SPOCK1: variants seen among roughly 807,000 people sequenced by gnomAD.
SPOCK1 encodes the protein SPARC (osteonectin), cwcv and kazal like domains proteoglycan 1.
In SPOCK1, 23 loss-of-function variants were observed where a neutral mutation model predicts 55.3. The observed-to-expected ratio is 0.42, with a 90% confidence interval of 0.30 to 0.59. The LOEUF (loss-of-function observed/expected upper bound fraction) is 0.59, where lower values mean the gene tolerates loss of function less well. SPOCK1 is among the 20% of genes least tolerant of loss of function. The pLI is 0.22. For synonymous variants in SPOCK1, 226 were observed against 221.0 expected (o/e 1.02, Z -0.20); for missense variants, 499 against 552.5 (o/e 0.90, Z 0.97).
chr5:137,136,143 G>A (rs1040371094), intron 4 of SPOCK1, among the ~76,000 whole-genome samples: 11 of 152,044 alleles, frequency 7.2e-5, no homozygotes, highest in Admixed American at 2.6e-4. Context: ...GGCTTTTTGT[G>A]TCCTACTTAA....
chr5:137,418,403 T>C (rs1752397745), intron 2 of SPOCK1, among the ~76,000 whole-genome samples: 1 of 152,182 alleles, frequency 6.6e-6, no homozygotes, highest in African/African-American at 2.4e-5. Flanking sequence ...ATGGTTGAAC[T>C]AGTTTACAGT....
chr5:137,057,751 C>T (rs971455944), intron 6 of SPOCK1, among the ~76,000 whole-genome samples: 2 of 152,284 alleles, frequency 1.3e-5, no homozygotes, highest in East Asian at 3.9e-4. Flanking sequence ...GGGGTGGAAG[C>T]CACTTACTTT....
chr5:137,330,714 CCT>C (rs1456240833), intron 2 of SPOCK1, among the ~76,000 whole-genome samples: 1 of 152,220 alleles, frequency 6.6e-6, no homozygotes, highest in African/African-American at 2.4e-5. Flanking sequence ...CTCCACCAAA[CCT>C]CTCTCAGTTT....
intron 3 of SPOCK1, among the ~76,000 whole-genome samples, chr5:137,244,459 A>G (rs926135208): frequency 2.6e-5 from 4 of 152,244 alleles, no homozygotes; most frequent in Non-Finnish European, 4.4e-5. Flanking sequence ...GAGGCAACTA[A>G]AAAGAAACTG....
intron 2 of SPOCK1, among the ~76,000 whole-genome samples, chr5:137,398,858 C>A (rs1360612122): frequency 6.6e-6 from 1 of 152,154 alleles, no homozygotes; most frequent in Non-Finnish European, 1.5e-5. Context: ...CTACCATAAT[C>A]TGCAGCCCAC....
chr5:137,248,428 G>A (rs1756441499), intron 3 of SPOCK1, among the ~76,000 whole-genome samples: 2 of 152,156 alleles, frequency 1.3e-5, no homozygotes, highest in South Asian at 2.1e-4. Context: ...CCACAGTCTG[G>A]CAGAAACACC....
chr5:137,451,601 T>C (rs772121099), intron 2 of SPOCK1, among the ~76,000 whole-genome samples: 8 of 152,224 alleles, frequency 5.3e-5, no homozygotes, highest in Non-Finnish European at 8.8e-5. Flanking sequence ...AGCTCTCATT[T>C]GAATATTTAA....
At chr5:137,320,138 T>C (rs1757956250) in intron 2 of SPOCK1, among the ~76,000 whole-genome samples, 1 of 152,140 alleles carries the variant, frequency 6.6e-6, no homozygotes, top group Non-Finnish European at 1.5e-5. Context: ...CAGCTCATGA[T>C]CAAAAAGAAG....
At chr5:137,418,874 C>A (rs1213966695) in intron 2 of SPOCK1, among the ~76,000 whole-genome samples, 2 of 152,156 alleles carry the variant, frequency 1.3e-5, no homozygotes, top group Non-Finnish European at 2.9e-5. Context: ...GAAGTCCTGC[C>A]CATGCCTATG....
rs150031807 is a variant in SPOCK1 at position 137,374,059 on chromosome 5, T to C, written c.187-107004A>G. The stretch of plus-strand genomic sequence containing the variant: ...AACACATGTAACTGTACCTATCTCA[T>C]AGGACTGTCGGGAAGATTAAATAAC... On this transcript the variant is annotated intron_variant, in intron 2 of 10. Transcript: ENST00000394945. Among the ~76,000 whole-genome samples, 688 of 152,374 alleles carry C rather than the reference T, an allele frequency of 4.5e-3. 2 individuals are homozygous for C. Among genetic ancestry groups the C allele is most frequent in the African/African-American group, 0.014 (563 of 41,586 alleles).
intron 2 of SPOCK1, among the ~76,000 whole-genome samples, chr5:137,337,524 A>G (rs925032415): frequency 2.6e-5 from 4 of 152,188 alleles, no homozygotes; most frequent in Non-Finnish European, 4.4e-5. Flanking sequence ...TGGTCTACAG[A>G]CTTCACAACA....
intron 3 of SPOCK1, among the ~76,000 whole-genome samples, chr5:137,147,303 A>C (rs548175449): frequency 9.2e-5 from 14 of 152,370 alleles, no homozygotes; most frequent in African/African-American, 2.9e-4. Flanking sequence ...GCAAGTGAAC[A>C]TATTAGGCAA....
intron 3 of SPOCK1, among the ~76,000 whole-genome samples, chr5:137,161,106 CTAATATA>C (rs1004861460): frequency 7.6e-5 from 11 of 144,182 alleles, no homozygotes; most frequent in Non-Finnish European, 1.1e-4. Context: ...ATATATATAT[CTAATATA>C]TAATATATAT....
chr5:136,977,869 A>T lies in SPOCK1; in HGVS notation c.*785T>A, dbSNP rs1186831199. On this transcript the variant is annotated 3_prime_UTR_variant, in exon 11 of 11. Coordinates refer to ENST00000394945, the MANE Select transcript of SPOCK1 (RefSeq NM_004598.4). ...TTTAATACAAATTTCTTATTCCAGA[A>T]ATTTTGTTCCAGGTCTGGACAAGCT... 2 of 398,760 alleles carry T rather than the reference A, an allele frequency of 5.0e-6. No individual in the cohort carries two copies. Among genetic ancestry groups the T allele is most frequent in the Non-Finnish European group, 8.8e-6 (2 of 226,046 alleles). 24.7% of individuals were successfully genotyped at this position (398,760 alleles called of 1,614,324 possible).
chr5:137,377,486 A>G (rs768032487), intron 2 of SPOCK1, among the ~76,000 whole-genome samples: 5 of 152,252 alleles, frequency 3.3e-5, no homozygotes, highest in Non-Finnish European at 5.9e-5. Context: ...TGTCTATCTC[A>G]GCAAATTATG....
chr5:137,445,169 C>A (rs1451725919), intron 2 of SPOCK1, among the ~76,000 whole-genome samples: 1 of 152,206 alleles, frequency 6.6e-6, no homozygotes, highest in African/African-American at 2.4e-5. Flanking sequence ...TCCCCTCCCC[C>A]TTCTCTATAT....
chr5:136,986,271 C>T (rs772258547), intron 8 of SPOCK1, among the ~76,000 whole-genome samples: 17 of 152,104 alleles, frequency 1.1e-4, no homozygotes, highest in Non-Finnish European at 2.1e-4. Flanking sequence ...GCAGTCTATC[C>T]AGAGATGTCC....
intron 3 of SPOCK1, among the ~76,000 whole-genome samples, chr5:137,170,348 G>T (rs1374884347): frequency 6.6e-6 from 1 of 152,144 alleles, no homozygotes; most frequent in African/African-American, 2.4e-5. Flanking sequence ...TGGTGTTCCA[G>T]GCACTGGACC....
chr5:137,453,382 G>A (rs925952169), intron 2 of SPOCK1, among the ~76,000 whole-genome samples: 5 of 152,056 alleles, frequency 3.3e-5, no homozygotes, highest in African/African-American at 1.2e-4. Flanking sequence ...GTAGCTACAG[G>A]AAAGAAAAAA....
Sources: allele counts gnomAD v4.1 joint callset (sites outside exome capture counted in the v4.1 genomes callset), GRCh38; gene constraint gnomAD v4.1.1; transcripts MANE v1.5; gene names NCBI Gene and HGNC (gene_info 2026-07-23, HGNC 2026-07-21).